The following RORA variants were observed in gnomAD, a reference collection of about 807,000 sequenced individuals.
RORA encodes nuclear receptor ROR-alpha.
Under a neutral mutation model 69.5 loss-of-function variants are expected in RORA, and 7 were observed. That is an observed-to-expected ratio of 0.10 (90% confidence interval 0.06 to 0.19). The LOEUF (loss-of-function observed/expected upper bound fraction) is 0.19. Among genes scored for constraint, RORA ranks in the 10% least tolerant of loss-of-function variants. The pLI, the probability that RORA is intolerant of heterozygous loss-of-function variation, is 1.00. For missense variants in RORA, 457 were observed against 663.0 expected, an observed-to-expected ratio of 0.69 and a Z score of 3.41; for synonymous variants, 261 against 240.8, an observed-to-expected ratio of 1.08 and a Z score of -0.78.
chr15:61,019,266 C>T (rs1044345918), intron 1 of RORA, among the ~76,000 whole-genome samples: 13 of 152,180 alleles, frequency 8.5e-5, no homozygotes, highest in African/African-American at 3.1e-4. Context: ...TCATGATAAC[C>T]CCATTTGTTC....
At position 60,491,582 on chromosome 15, in the gene RORA, C is replaced by CT. The variant is rs2065041789; in HGVS notation, c.*5872dup. ...TAAATGACTGAATGTATTTATTGCT[C>CT]TAAGTTCTGAGGGTTTGGTTGAACA... On this transcript the variant is annotated 3_prime_UTR_variant, in exon 11 of 11. Transcript: ENST00000335670. 1 of 150,994 alleles carries CT rather than the reference C, an allele frequency of 6.6e-6. No individual in the cohort carries two copies. The allele number at this position is 150,994 out of a possible 1,614,324, so 9.4% of individuals were successfully genotyped here.
At chr15:60,914,692 C>T (rs1467805344) in intron 1 of RORA, among the ~76,000 whole-genome samples, 1 of 152,138 alleles carries the variant, frequency 6.6e-6, no homozygotes, top group African/African-American at 2.4e-5. Context: ...TCTCACTTGA[C>T]TGGGAAGTAA....
chr15:60,525,044 G>C (rs2066302781), intron 3 of RORA, among the ~76,000 whole-genome samples: 1 of 151,866 alleles, frequency 6.6e-6, no homozygotes, highest in East Asian at 1.9e-4. Context: ...AAACATGTAG[G>C]GCCGACTGAA....
chr15:60,689,610 T>C (rs1030274802), intron 1 of RORA, among the ~76,000 whole-genome samples: 1 of 152,216 alleles, frequency 6.6e-6, no homozygotes, highest in African/African-American at 2.4e-5. Context: ...ATAGATATAA[T>C]TAAGATGAGG....
At chr15:60,520,132 A>C (rs1205982332) in intron 3 of RORA, 3 of 152,168 alleles carry the variant, frequency 2.0e-5, no homozygotes, top group African/African-American at 7.2e-5. Flanking sequence ...CAGCTGAACA[A>C]ATGCCTGCTG....
At chr15:60,892,347 T>C (rs894430615) in intron 1 of RORA, among the ~76,000 whole-genome samples, 6 of 152,208 alleles carry the variant, frequency 3.9e-5, no homozygotes, top group Non-Finnish European at 8.8e-5. Flanking sequence ...CTTAACATAT[T>C]TTTAACTTTT....
At chr15:60,555,975 CG>C (rs2067346673) in intron 2 of RORA, among the ~76,000 whole-genome samples, 1 of 152,122 alleles carries the variant, frequency 6.6e-6, no homozygotes, top group Admixed American at 6.5e-5. Context: ...TGTGGAACCT[CG>C]GCTTACACAT....
At chr15:60,577,139 C>T (rs993225166) in intron 2 of RORA, among the ~76,000 whole-genome samples, 8 of 152,062 alleles carry the variant, frequency 5.3e-5, no homozygotes, top group Non-Finnish European at 1.0e-4. Context: ...ATAAAGAAAA[C>T]GAGGATTACA....
chr15:60,611,305 A>C (rs1345452964), intron 2 of RORA, among the ~76,000 whole-genome samples: 2 of 151,684 alleles, frequency 1.3e-5, no homozygotes, highest in Non-Finnish European at 2.9e-5. Context: ...TCTGTCTCTA[A>C]CCCTTGGTTG....
intron 1 of RORA, among the ~76,000 whole-genome samples, chr15:61,185,501 A>G (rs12440783): frequency 0.59 from 90,266 of 151,996 alleles, 27,259 homozygotes; most frequent in East Asian, 0.69. Context: ...TTGCCCCGAC[A>G]TTGGCAAAAC....
chr15:60,949,135 G>A (rs971090849), intron 1 of RORA, among the ~76,000 whole-genome samples: 1 of 152,114 alleles, frequency 6.6e-6, no homozygotes, highest in Admixed American at 6.5e-5. Flanking sequence ...CACCTAGCAT[G>A]CACCAGGCAC....
In RORA at chr15:60,511,518, A is replaced by C. The variant is rs1031359244; in HGVS notation, c.528T>G (p.Pro176=). 1.2e-6 allele frequency: 2 copies of C among 1,614,126 alleles called. No homozygotes were observed. Residue 176 remains proline (P), a synonymous_variant, in exon 5 of 11, where the codon CCT becomes CCG. Coordinates refer to ENST00000335670, the MANE Select transcript of RORA (RefSeq NM_134261.3). This position sits in a 1 kb window ranked among gnomAD's most constrained non-coding sequence, Gnocchi z 6.4. ...QQQQRDHQQQ[P]GEAEPLTPTY... is the part of the protein sequence containing the mutation. ...TGGGCGTCAGCGGCTCAGCCTCTCC[A>C]GGCTGCTGCTGGTGGTCGCGCTGCT...
At chr15:60,579,288 GC>G (rs1386495936) in intron 2 of RORA, among the ~76,000 whole-genome samples, 1 of 152,136 alleles carries the variant, frequency 6.6e-6, no homozygotes, top group Non-Finnish European at 1.5e-5. Flanking sequence ...TTCTGAGAGG[GC>G]CTTGGGGCCC....
chr15:60,855,949 T>C (rs2073375332), intron 1 of RORA, among the ~76,000 whole-genome samples: 1 of 152,214 alleles, frequency 6.6e-6, no homozygotes, highest in Non-Finnish European at 1.5e-5. Flanking sequence ...CATTTATGCA[T>C]TAAATTGAAC....
intron 1 of RORA, among the ~76,000 whole-genome samples, chr15:60,789,686 A>G (rs2072388233): frequency 6.6e-6 from 1 of 152,220 alleles, no homozygotes; most frequent in Non-Finnish European, 1.5e-5. Context: ...ACTTTTGCAA[A>G]TATTACAGAA....
intron 1 of RORA, among the ~76,000 whole-genome samples, chr15:61,210,267 AC>A (rs1275521003): frequency 6.6e-6 from 1 of 152,228 alleles, no homozygotes; most frequent in Non-Finnish European, 1.5e-5. Context: ...AGGGATCAGA[AC>A]TTTTATAGCC....
At position 60,537,405 on chromosome 15, in the gene RORA, A is replaced by G. The variant is rs1251397060; in HGVS notation, c.197-5554T>C. Among the ~76,000 whole-genome samples, 2 of 152,176 alleles carry G rather than the reference A, an allele frequency of 1.3e-5. No homozygotes were observed. The highest frequency in any genetic ancestry group is 2.9e-5 in the Non-Finnish European group (2 of 68,028). On this transcript the variant is annotated intron_variant, in intron 2 of 10. Transcript: ENST00000335670. This position sits in a 1 kb window ranked among gnomAD's most constrained non-coding sequence, Gnocchi z 4.9. ...CTTTCTTCAATCTGTCTACCCAGAC[A>G]AGCTCCCTTTTTTCAAACCCTCCTT... is the stretch of plus-strand genomic sequence containing the variant.
rs945371497 is a variant in RORA, at chr15:60,494,757, A to T, written c.*2698T>A. Reference sequence around the variant, plus strand: ...TTTCTTTCAGAAACACCTGGGAAGAAGCATCATATTACCTATCTTGGTTTA... The same window carrying T: ...TTTCTTTCAGAAACACCTGGGAAGATGCATCATATTACCTATCTTGGTTTA... On this transcript the variant is annotated 3_prime_UTR_variant, in exon 11 of 11. Coordinates refer to ENST00000335670, the MANE Select transcript of RORA (RefSeq NM_134261.3). 1 of 152,228 alleles carries T rather than the reference A, an allele frequency of 6.6e-6. No individual in the cohort carries two copies. Among genetic ancestry groups the T allele is most frequent in the African/African-American group, 2.4e-5 (1 of 41,456 alleles). 9.4% of individuals were successfully genotyped at this position (152,228 alleles called of 1,614,324 possible).
intron 2 of RORA, among the ~76,000 whole-genome samples, chr15:60,674,749 G>C (rs750001103): frequency 3.9e-5 from 6 of 152,136 alleles, no homozygotes; most frequent in Non-Finnish European, 8.8e-5. Context: ...TATCTTGTTT[G>C]GGTTTTTATT....
Sources: gnomAD v4.1 joint callset for allele counts (sites outside exome capture counted in the v4.1 genomes callset) on GRCh38, gnomAD v4.1.1 for gene constraint, Gnocchi (gnomAD v3.1) non-coding constraint, MANE v1.5 for transcripts, NCBI Gene and HGNC (gene_info 2026-07-23, HGNC 2026-07-21) for gene names.